The following WDR7 variants were observed in gnomAD, a reference collection of about 807,000 sequenced individuals.
The protein encoded by WDR7 is WD repeat-containing protein 7.
In WDR7, 46 loss-of-function variants were observed where a neutral mutation model predicts 169.4. The ratio of observed to expected loss-of-function variants is 0.27; its 90% CI spans 0.21 to 0.35. The LOEUF is 0.35. Among genes scored for constraint, WDR7 ranks in the 10% least tolerant of loss-of-function variants. The pLI, the probability that WDR7 is intolerant of heterozygous loss-of-function variation, is 1.00. For missense variants in WDR7, 1,534 were observed against 1,859.3 expected (o/e 0.83, Z 3.22); for synonymous variants, 612 against 666.8 (o/e 0.92, Z 1.27).
At chr18:56,872,393 C>T (rs920867966) in intron 20 of WDR7, among the ~76,000 whole-genome samples, 1 of 152,110 alleles carries the variant, frequency 6.6e-6, no homozygotes, top group African/African-American at 2.4e-5. Context: ...CTTTAAATAG[C>T]TTAAACTTCT....
At chr18:56,850,729 T>G (rs890891797) in intron 20 of WDR7, among the ~76,000 whole-genome samples, 2 of 152,078 alleles carry the variant, frequency 1.3e-5, no homozygotes, top group African/African-American at 4.8e-5. Flanking sequence ...CCTAGGTTGG[T>G]CTTGAACTCC....
At chr18:56,693,569 T>G (rs2025626251) in intron 9 of WDR7, among the ~76,000 whole-genome samples, 1 of 54,196 alleles carries the variant, frequency 1.8e-5, no homozygotes. Context: ...TGGTTTTTTT[T>G]TTTGTTTTTT....
chr18:56,964,407 G>C (rs1192261987), intron 26 of WDR7, among the ~76,000 whole-genome samples: 1 of 151,952 alleles, frequency 6.6e-6, no homozygotes, highest in Non-Finnish European at 1.5e-5. Context: ...GTGTCTGTCT[G>C]TTGCCCAGGC....
Position 56,820,633 on chromosome 18 carries a change from C to G in WDR7, c.3304+4489C>G, listed in dbSNP as rs184463422. 1.1e-3 allele frequency among the ~76,000 whole-genome samples: 174 copies of G among 152,166 alleles called. 1 individual carries two copies. The highest frequency in any genetic ancestry group is 4.0e-3 in the African/African-American group (168 of 41,524). On this transcript the variant is annotated intron_variant, in intron 20 of 27. Coordinates refer to ENST00000254442, the MANE Select transcript of WDR7 (RefSeq NM_015285.3). ...TTACATGTGTCTGTATCCCTCCTCCCCCTGCCCTCAGTTACGTTGTACAGA... is the reference window on the plus strand; with the variant it reads ...TTACATGTGTCTGTATCCCTCCTCCGCCTGCCCTCAGTTACGTTGTACAGA...
chr18:56,659,248 A>G (rs2024851057), intron 1 of WDR7, among the ~76,000 whole-genome samples: 1 of 152,270 alleles, frequency 6.6e-6, no homozygotes, highest in African/African-American at 2.4e-5. Context: ...TGACATTATT[A>G]TAGAAGAACT....
At position 56,797,872 on chromosome 18, in the gene WDR7, T is replaced by A. The variant is rs186203306; in HGVS notation, c.3190+16216T>A. ...TGCTGGATATGAAAAGAAATGAGATTCCATTTCATTCAGTCATCTTCATCT... is the reference window on the plus strand; with the variant it reads ...TGCTGGATATGAAAAGAAATGAGATACCATTTCATTCAGTCATCTTCATCT... On this transcript the variant is annotated intron_variant, in intron 19 of 27. Transcript: ENST00000254442. Among the ~76,000 whole-genome samples the A allele has an allele frequency of 2.6e-5, 4 of 152,324 alleles. No homozygotes were observed. The East Asian group carries it at 7.7e-4, about 29-fold the overall frequency.
At chr18:56,671,043 G>A (rs1415833644) in intron 1 of WDR7, among the ~76,000 whole-genome samples, 1 of 152,094 alleles carries the variant, frequency 6.6e-6, no homozygotes. Context: ...GTTATATTAA[G>A]GAATACTTCC....
chr18:56,814,258 A>C (rs1280981862), intron 19 of WDR7, among the ~76,000 whole-genome samples: 1 of 151,670 alleles, frequency 6.6e-6, no homozygotes, highest in Non-Finnish European at 1.5e-5. Flanking sequence ...GGAAATGAAA[A>C]TACTAATGCT....
At chr18:56,734,237 T>A (rs2026647890) in intron 14 of WDR7, among the ~76,000 whole-genome samples, 1 of 152,182 alleles carries the variant, frequency 6.6e-6, no homozygotes, top group Admixed American at 6.5e-5. Flanking sequence ...TTCTAACCCA[T>A]CCTGGACTTA....
downstream of WDR7, chr18:57,033,391 A>G (rs1345474032): frequency 6.6e-6 from 1 of 152,218 alleles, no homozygotes; most frequent in Non-Finnish European, 1.5e-5. Context: ...CTTCAGACCT[A>G]CAACCTGAAG....
At chr18:56,672,798 A>G in intron 2 of WDR7, 124 bp downstream of exon 2, 1 of 940,424 alleles carries the variant, frequency 1.1e-6, no homozygotes, top group Non-Finnish European at 1.5e-6. Flanking sequence ...GTTTTGACTA[A>G]AACTAGTAGT....
intron 26 of WDR7, among the ~76,000 whole-genome samples, chr18:57,011,891 G>T (rs1325774325): frequency 6.6e-6 from 1 of 152,230 alleles, no homozygotes; most frequent in East Asian, 1.9e-4. Flanking sequence ...TCCCAAGTGA[G>T]AAAGAAACAG....
intron 9 of WDR7, among the ~76,000 whole-genome samples, chr18:56,692,884 C>T (rs1009489910): frequency 1.3e-5 from 2 of 151,526 alleles, no homozygotes; most frequent in Non-Finnish European, 2.9e-5. Context: ...GTCTGGGCGA[C>T]ATAGTGAGAC....
At chr18:56,890,159 T>C (rs2046245603) in intron 21 of WDR7, among the ~76,000 whole-genome samples, 1 of 152,186 alleles carries the variant, frequency 6.6e-6, no homozygotes, top group African/African-American at 2.4e-5. Context: ...TATTATGACT[T>C]TTTAAAACAA....
chr18:56,911,729 G>A (rs2145601991), intron 21 of WDR7, among the ~76,000 whole-genome samples: 1 of 152,224 alleles, frequency 6.6e-6, no homozygotes, highest in Admixed American at 6.5e-5. Flanking sequence ...AATCTCCACT[G>A]GACTACCTAT....
At chr18:56,906,109 G>A (rs1232391453) in intron 21 of WDR7, among the ~76,000 whole-genome samples, 1 of 152,154 alleles carries the variant, frequency 6.6e-6, no homozygotes, top group East Asian at 1.9e-4. Flanking sequence ...GCCAGGCATT[G>A]TACGCTTCTG....
At position 56,880,077 on chromosome 18, in the gene WDR7, A is replaced by G. The variant is rs777541800; in HGVS notation, c.3438A>G (p.Leu1146=). Residue 1146 remains leucine, a synonymous_variant, in exon 21 of 28, where the codon CTA becomes CTG. Coordinates refer to ENST00000254442, the MANE Select transcript of WDR7 (RefSeq NM_015285.3). The stretch of plus-strand genomic sequence containing the variant: ...GTGCTGAAATTGAACCTCCTAAACT[A>G]TTGACCAGACCTCGAAGCTCTAGCC... ...EFGAEIEPPK[L]LTRPRSSSQI... 5.6e-6 allele frequency: 9 copies of G among 1,614,080 alleles called. No individual in the cohort carries two copies. The highest frequency in any genetic ancestry group is 1.1e-5 in the South Asian group (1 of 91,064).
At position 56,947,448 on chromosome 18, in the gene WDR7, C is replaced by A. The variant is rs1052316273; in HGVS notation, c.4064+8055C>A. Among the ~76,000 whole-genome samples, 5 of 152,272 alleles carry A rather than the reference C, an allele frequency of 3.3e-5. No individual in the cohort carries two copies. In the South Asian group the frequency reaches 1.0e-3, roughly 32 times the overall value. ...GCCTGGACTATAAATAATACAGCAT[C>A]CTCAGTTAAAAATACCCTAGACGCC... On this transcript the variant is annotated intron_variant, in intron 25 of 27. Transcript: ENST00000254442.
At chr18:56,817,693 T>A (rs527624164) in intron 20 of WDR7, among the ~76,000 whole-genome samples, 1 of 152,264 alleles carries the variant, frequency 6.6e-6, no homozygotes, top group South Asian at 2.1e-4. Flanking sequence ...TTTAGCACTT[T>A]ACAATTATAG....
Sources: allele counts gnomAD v4.1 joint callset (sites outside exome capture counted in the v4.1 genomes callset), GRCh38; gene constraint gnomAD v4.1.1; transcripts MANE v1.5; gene names NCBI Gene and HGNC (gene_info 2026-07-23, HGNC 2026-07-21).